Variants in AAGAB observed in about 807,000 individuals in gnomAD.
AAGAB encodes the protein alpha- and gamma-adaptin-binding protein p34.
Under a neutral mutation model 44.1 loss-of-function variants are expected in AAGAB, and 38 were observed. The observed-to-expected ratio is 0.86, with a 90% CI of 0.67 to 1.13. The LOEUF (loss-of-function observed/expected upper bound fraction) is 1.13, where lower values mean the gene tolerates loss of function less well. Ranked by LOEUF, AAGAB falls within the 50% of genes most tolerant of loss-of-function variation. AAGAB has a pLI of 0.00. For missense variants in AAGAB, 450 were observed against 373.8 expected (o/e 1.20, Z -1.68); for synonymous variants, 131 against 131.8 (o/e 0.99, Z 0.04).
chr15:67,221,691 C>G (rs945372357), intron 5 of AAGAB, among the ~76,000 whole-genome samples: 6 of 152,144 alleles, frequency 3.9e-5, no homozygotes, highest in African/African-American at 7.2e-5. Flanking sequence ...TTCCATACCC[C>G]CCTGGGTCTC....
intron 5 of AAGAB, among the ~76,000 whole-genome samples, chr15:67,227,665 G>A (rs1186041102): frequency 1.3e-5 from 2 of 152,146 alleles, no homozygotes; most frequent in African/African-American, 2.4e-5. Flanking sequence ...GCACACAGAC[G>A]GATCACCAGC....
intron 1 of AAGAB, 148 bp downstream of exon 1, chr15:67,254,411 C>T: frequency 7.0e-7 from 1 of 1,437,346 alleles, no homozygotes; most frequent in Non-Finnish European, 9.1e-7. Context: ...TAGGGGCAGC[C>T]ACCTGGGGAG....
At chr15:67,235,838 T>C (rs1250610923) in intron 4 of AAGAB, 141 bp downstream of exon 4, 3 of 634,346 alleles carry the variant, frequency 4.7e-6, no homozygotes, top group Admixed American at 6.0e-5. Flanking sequence ...GATTATAAGA[T>C]TACATCAATG....
At chr15:67,254,756 C>CCTA (rs1965044035), upstream of AAGAB, 17 of 1,322,680 alleles carry the variant, frequency 1.3e-5, no homozygotes, top group Admixed American at 3.4e-4. Flanking sequence ...GGCCTGACCC[C>CCTA]GCCCCTAGAC....
At chr15:67,246,719 C>T (rs185907970) in intron 1 of AAGAB, among the ~76,000 whole-genome samples, 231 of 150,114 alleles carry the variant, frequency 1.5e-3, no homozygotes, top group African/African-American at 5.4e-3. Flanking sequence ...TGTAAAAACA[C>T]ACCAATCAGC....
intron 1 of AAGAB, among the ~76,000 whole-genome samples, chr15:67,252,920 T>G (rs1353074653): frequency 6.6e-6 from 1 of 152,224 alleles, no homozygotes; most frequent in Non-Finnish European, 1.5e-5. Flanking sequence ...GCTTTACAGT[T>G]TACAAAGTGT....
chr15:67,253,548 G>A (rs142586091), intron 1 of AAGAB, among the ~76,000 whole-genome samples: 175 of 152,178 alleles, frequency 1.1e-3, no homozygotes, highest in African/African-American at 3.8e-3. Flanking sequence ...GAAACCACGA[G>A]TTGGAGACCA....
rs533458064 is a variant in AAGAB at position 67,217,330 on chromosome 15, G to A, written c.536-7786C>T. ...ATGAAGCCATTTTCCAAGAGAACAC[G>A]GGTAAAGACAGACCTGATTAGAACT... On this transcript the variant is annotated intron_variant, in intron 5 of 9. Transcript: ENST00000261880. 2.6e-5 allele frequency among the ~76,000 whole-genome samples: 4 copies of A among 152,252 alleles called. No individual in the cohort carries two copies. The South Asian group carries it at 6.2e-4, about 24-fold the overall frequency.
At chr15:67,215,646 A>G (rs905708310) in intron 5 of AAGAB, among the ~76,000 whole-genome samples, 19 of 152,210 alleles carry the variant, frequency 1.2e-4, no homozygotes, top group African/African-American at 4.6e-4. Context: ...AAGATACTTC[A>G]ATTTGCATAG....
At chr15:67,204,408 A>G (rs927670969) in intron 7 of AAGAB, among the ~76,000 whole-genome samples, 26 of 152,358 alleles carry the variant, frequency 1.7e-4, no homozygotes, top group African/African-American at 5.8e-4. Context: ...CACATCTCAG[A>G]GTTGAAGTGA....
intron 1 of AAGAB, among the ~76,000 whole-genome samples, chr15:67,240,879 CAG>C (rs1460677611): frequency 2.6e-5 from 4 of 152,176 alleles, no homozygotes; most frequent in African/African-American, 9.7e-5. Flanking sequence ...ATCCTTCCCT[CAG>C]AGAAAGTACA....
At chr15:67,244,729 C>G (rs754590927) in intron 1 of AAGAB, among the ~76,000 whole-genome samples, 2 of 150,976 alleles carry the variant, frequency 1.3e-5, no homozygotes, top group African/African-American at 2.4e-5. Context: ...GCTTGAACCC[C>G]AGAGGCGGAG....
intron 5 of AAGAB, chr15:67,226,876 A>G (rs564130115): frequency 8.4e-5 from 22 of 261,326 alleles, no homozygotes; most frequent in Non-Finnish European, 1.5e-4. Context: ...AAGGAATGCA[A>G]TTCATCTCTT....
chr15:67,226,538 TC>T (rs1424017882), intron 5 of AAGAB, among the ~76,000 whole-genome samples: 3 of 152,228 alleles, frequency 2.0e-5, no homozygotes, highest in Non-Finnish European at 4.4e-5. Context: ...TTGTAAGAGT[TC>T]TTTATATATT....
At chr15:67,246,871 C>A (rs191403517) in intron 1 of AAGAB, among the ~76,000 whole-genome samples, 4 of 152,196 alleles carry the variant, frequency 2.6e-5, no homozygotes, top group African/African-American at 4.8e-5. Flanking sequence ...AGGATGTGGG[C>A]GGGGCCAAAT....
chr15:67,239,303 C>A (rs552190446), intron 1 of AAGAB, among the ~76,000 whole-genome samples: 1 of 152,236 alleles, frequency 6.6e-6, no homozygotes, highest in Non-Finnish European at 1.5e-5. Context: ...TATTTAGATC[C>A]ATTAATGATG....
At chr15:67,229,458 A>G (rs771426067) in intron 5 of AAGAB, among the ~76,000 whole-genome samples, 1 of 151,640 alleles carries the variant, frequency 6.6e-6, no homozygotes, top group East Asian at 1.9e-4. Context: ...AGAGTTGGAG[A>G]AGGAAAAAAA....
At chr15:67,219,294 A>G (rs1157304694) in intron 5 of AAGAB, among the ~76,000 whole-genome samples, 1 of 152,216 alleles carries the variant, frequency 6.6e-6, no homozygotes, top group Non-Finnish European at 1.5e-5. Flanking sequence ...CTTATAGATA[A>G]AAAGAGTAAA....
chr15:67,237,044 C>G (rs1964487615), intron 1 of AAGAB, among the ~76,000 whole-genome samples: 1 of 151,904 alleles, frequency 6.6e-6, no homozygotes, highest in African/African-American at 2.4e-5. Flanking sequence ...TCTTTAAGAA[C>G]ACAAAAATCA....
Sources: gnomAD v4.1 joint callset for allele counts (sites outside exome capture counted in the v4.1 genomes callset) on GRCh38, gnomAD v4.1.1 for gene constraint, MANE v1.5 for transcripts, NCBI Gene and HGNC (gene_info 2026-07-23, HGNC 2026-07-21) for gene names.